SNTG2: variants seen among roughly 807,000 people sequenced by gnomAD.
The protein encoded by SNTG2 is syntrophin gamma 2, also known as gamma-2-syntrophin.
A neutral mutation model predicts 70.9 loss-of-function variants in SNTG2; 74 were observed. That is an observed-to-expected ratio of 1.04 (90% CI 0.86 to 1.27). The LOEUF (loss-of-function observed/expected upper bound fraction) is 1.27. Among genes scored for constraint, SNTG2 ranks in the 50% most tolerant of loss-of-function variants. The pLI, the probability that SNTG2 is intolerant of heterozygous loss-of-function variation, is 0.00. For missense variants in SNTG2, 717 were observed against 690.7 expected (o/e 1.04, Z -0.43); for synonymous variants, 278 against 273.8 (o/e 1.02, Z -0.15).
chr2:984,488 T>TTCCTTG lies in SNTG2; in HGVS notation c.72+33421_72+33426dup, dbSNP rs1164669322. 1.5e-4 allele frequency among the ~76,000 whole-genome samples: 23 copies of TTCCTTG among 152,236 alleles called. No individual in the cohort carries two copies. In the East Asian group the frequency reaches 4.5e-3, roughly 30 times the overall value. The stretch of plus-strand genomic sequence containing the variant: ...TTGCTGGGTAGAAGATACTCGGTGC[T>TTCCTTG]TCCTTGCTCTCTGCTAAATGCCATC... On this transcript the variant is annotated intron_variant, in intron 1 of 16. Transcript: ENST00000308624.
chr2:1,285,847 A>C (rs975797515), intron 14 of SNTG2, among the ~76,000 whole-genome samples: 6 of 152,136 alleles, frequency 3.9e-5, no homozygotes, highest in Admixed American at 6.5e-5. Flanking sequence ...GACCATTTGT[A>C]GTCCTGCCTG....
intron 4 of SNTG2, among the ~76,000 whole-genome samples, chr2:1,125,304 C>T (rs1003879658): frequency 6.6e-6 from 1 of 152,120 alleles, no homozygotes; most frequent in Non-Finnish European, 1.5e-5. Context: ...CATTTATGAA[C>T]TTTATTATCA....
At chr2:959,803 T>A (rs527425174) in intron 1 of SNTG2, among the ~76,000 whole-genome samples, 7 of 151,486 alleles carry the variant, frequency 4.6e-5, no homozygotes, top group Non-Finnish European at 1.0e-4. Context: ...TAAATACATT[T>A]CCTTTATTCC....
In SNTG2 at chr2:1,187,321, A is replaced by G. The variant is rs532451863; in HGVS notation, c.591+14138A>G. 7.9e-5 allele frequency among the ~76,000 whole-genome samples: 12 copies of G among 152,314 alleles called. No individual in the cohort carries two copies. The East Asian group carries it at 1.7e-3, about 22-fold the overall frequency. On this transcript the variant is annotated intron_variant, in intron 8 of 16. Transcript: ENST00000308624. ...GAAGGTTTTTAGATGAGATTAACAG[A>G]TCAGTGCTTTCGGTAAAGCACATGG... is the stretch of plus-strand genomic sequence containing the variant.
Position 1,251,798 on chromosome 2 carries a change from CCA to C in SNTG2, c.1005+4363_1005+4364del, listed in dbSNP as rs199754731. 3.3e-3 allele frequency among the ~76,000 whole-genome samples: 494 copies of C among 151,780 alleles called. 3 individuals carry two copies. The highest frequency in any genetic ancestry group is 0.011 in the African/African-American group (468 of 41,378). ...CATCTGCACACCACTCATGCACACA[CCA>C]CACACACGTGCACACCACTCATGCA... On this transcript the variant is annotated intron_variant, in intron 12 of 16. Coordinates refer to ENST00000308624, the MANE Select transcript of SNTG2 (RefSeq NM_018968.4).
In SNTG2 at chr2:1,083,600, T is replaced by C; in HGVS notation, c.155T>C (p.Leu52Pro). ...CGGCTGAAGCTGACGAAAGAGGTGC[T>C]GACAATTCAGAAACAAGATGTTGTC... ...DIRLKLTKEV[L>P]TIQKQDVVCV... Residue 52 changes from leucine (L) to proline (P), a missense_variant, in exon 2 of 17, where the codon CTG (leucine) becomes CCG (proline). Coordinates refer to ENST00000308624, the MANE Select transcript of SNTG2 (RefSeq NM_018968.4). 6.2e-7 allele frequency: 1 copy of C among 1,613,756 alleles called. No individual in the cohort carries two copies. Among genetic ancestry groups the C allele is most frequent in the Non-Finnish European group, 8.5e-7 (1 of 1,179,714 alleles).
intron 8 of SNTG2, among the ~76,000 whole-genome samples, chr2:1,192,534 A>T (rs577668444): frequency 6.6e-6 from 1 of 152,128 alleles, no homozygotes; most frequent in Non-Finnish European, 1.5e-5. Flanking sequence ...TGGTAAATTA[A>T]TTTTTTAATT....
rs184989036 is a variant in SNTG2, at chr2:1,110,345, C to T, written c.325+11935C>T. On this transcript the variant is annotated intron_variant, in intron 4 of 16. Transcript: ENST00000308624. ...ATTTTATTGTTCTCTAGAATTTTCA[C>T]CTGTTATTGGTGTCTTAGTGCCATG... 2.1e-3 allele frequency among the ~76,000 whole-genome samples: 315 copies of T among 152,286 alleles called. 1 individual carries two copies. Among genetic ancestry groups the T allele is most frequent in the African/African-American group, 7.4e-3 (307 of 41,574 alleles).
chr2:1,190,018 G>A (rs568732823), intron 8 of SNTG2, among the ~76,000 whole-genome samples: 5 of 151,950 alleles, frequency 3.3e-5, no homozygotes, highest in Non-Finnish European at 5.9e-5. Flanking sequence ...TTATGATCTC[G>A]GGAAAGGGAA....
At chr2:1,067,482 G>A (rs769597283) in intron 1 of SNTG2, among the ~76,000 whole-genome samples, 2 of 152,114 alleles carry the variant, frequency 1.3e-5, no homozygotes, top group South Asian at 2.1e-4. Flanking sequence ...ATATTTTTTT[G>A]TAAAATCAGT....
chr2:1,135,716 C>G (rs146990221), intron 4 of SNTG2, among the ~76,000 whole-genome samples: 3 of 152,340 alleles, frequency 2.0e-5, no homozygotes, highest in African/African-American at 7.2e-5. Context: ...GTGCAAGACT[C>G]TGTCTCAAAA....
chr2:1,188,486 A>C (rs1672382460), intron 8 of SNTG2, among the ~76,000 whole-genome samples: 1 of 152,170 alleles, frequency 6.6e-6, no homozygotes, highest in Non-Finnish European at 1.5e-5. Context: ...TGCTATTTAA[A>C]AGAGACACAC....
At chr2:1,085,134 A>G (rs1014991063) in intron 2 of SNTG2, among the ~76,000 whole-genome samples, 4 of 152,160 alleles carry the variant, frequency 2.6e-5, no homozygotes, top group African/African-American at 7.2e-5. Flanking sequence ...CTAATCACTA[A>G]CCATTATTTT....
chr2:1,322,945 T>A (rs1241560962), intron 16 of SNTG2, among the ~76,000 whole-genome samples: 1 of 152,162 alleles, frequency 6.6e-6, no homozygotes, highest in Admixed American at 6.5e-5. Flanking sequence ...CAAGGCCATT[T>A]CATTCATAGG....
At chr2:1,321,666 A>G (rs1020927927) in intron 16 of SNTG2, among the ~76,000 whole-genome samples, 4 of 152,190 alleles carry the variant, frequency 2.6e-5, no homozygotes, top group Admixed American at 2.0e-4. Context: ...GCAAAATGTC[A>G]TCCAACAGAG....
intron 16 of SNTG2, among the ~76,000 whole-genome samples, chr2:1,331,120 G>C (rs998712701): frequency 6.6e-6 from 1 of 152,154 alleles, no homozygotes; most frequent in African/African-American, 2.4e-5. Context: ...GCTCTGTGAG[G>C]CCACGTCGTG....
intron 1 of SNTG2, among the ~76,000 whole-genome samples, chr2:1,069,235 G>A (rs1489728409): frequency 6.6e-6 from 1 of 151,978 alleles, no homozygotes; most frequent in South Asian, 2.1e-4. Context: ...AGACTGTGCT[G>A]CTTTGTTCTG....
At chr2:1,225,470 G>C in intron 9 of SNTG2, among the ~76,000 whole-genome samples, 1 of 152,208 alleles carries the variant, frequency 6.6e-6, no homozygotes, top group East Asian at 1.9e-4. Context: ...CGGTCGTAAA[G>C]TAAGCCGCAG....
intron 4 of SNTG2, among the ~76,000 whole-genome samples, chr2:1,105,415 T>C (rs1666051165): frequency 6.6e-6 from 1 of 152,170 alleles, no homozygotes; most frequent in Admixed American, 6.5e-5. Context: ...TTCTTAGATA[T>C]GGTGTCCTTC....
Sources: gnomAD v4.1 joint callset for allele counts (sites outside exome capture counted in the v4.1 genomes callset) on GRCh38, gnomAD v4.1.1 for gene constraint, MANE v1.5 for transcripts, NCBI Gene and HGNC (gene_info 2026-07-23, HGNC 2026-07-21) for gene names.